Variants in SLC5A3 observed in about 807,000 individuals in gnomAD.
SLC5A3 encodes the protein solute carrier family 5 member 3.
A neutral mutation model predicts 43.2 loss-of-function variants in SLC5A3; 10 were observed. The observed-to-expected ratio is 0.23, with a 90% CI of 0.14 to 0.39. The LOEUF (loss-of-function observed/expected upper bound fraction) is 0.39, where lower values mean the gene tolerates loss of function less well. Ranked by LOEUF, SLC5A3 falls within the 10% of genes least tolerant of loss-of-function variation. The probability of loss-of-function intolerance (pLI) is 1.00; values close to 1 mark genes in which losing one functional copy is unlikely to be tolerated. For synonymous variants in SLC5A3, 349 were observed against 322.0 expected (o/e 1.08, Z -0.90); for missense variants, 608 against 893.4 (o/e 0.68, Z 4.07).
At chr21:34,088,950 A>G (rs1451228527) in intron 1 of SLC5A3, among the ~76,000 whole-genome samples, 1 of 151,946 alleles carries the variant, frequency 6.6e-6, no homozygotes, top group African/African-American at 2.4e-5. Flanking sequence ...GATAGTGTTG[A>G]GCCTCTTGAA....
intron 1 of SLC5A3, among the ~76,000 whole-genome samples, chr21:34,081,904 C>G (rs1253938288): frequency 6.6e-6 from 1 of 152,052 alleles, no homozygotes; most frequent in Non-Finnish European, 1.5e-5. Context: ...AAATACAGTT[C>G]TTGTTAAGTA....
At position 34,097,381 on chromosome 21, in the gene SLC5A3, C is replaced by T; in HGVS notation, c.*26C>T. 1 of 1,556,230 alleles carries T rather than the reference C, an allele frequency of 6.4e-7. No individual in the cohort carries two copies. Among genetic ancestry groups the T allele is most frequent in the Non-Finnish European group, 8.7e-7 (1 of 1,154,106 alleles). On this transcript the variant is annotated 3_prime_UTR_variant, in exon 2 of 2. Coordinates refer to ENST00000381151, the MANE Select transcript of SLC5A3 (RefSeq NM_006933.7). ...ACTTAAGGATATGGTGAGACACTAA[C>T]TTAAGACAATACTGACTGGTCTTTG...
In SLC5A3 at chr21:34,098,457, T is replaced by C. The variant is rs1203208906; in HGVS notation, c.*1102T>C. 3 of 999,842 alleles carry C rather than the reference T, an allele frequency of 3.0e-6. No individual in the cohort carries two copies. The highest frequency in any genetic ancestry group is 6.2e-5 in the Admixed American group (1 of 16,244). The allele number at this position is 999,842 out of a possible 1,614,324, so 61.9% of individuals were successfully genotyped here. On this transcript the variant is annotated 3_prime_UTR_variant, in exon 2 of 2. Transcript: ENST00000381151. The stretch of plus-strand genomic sequence containing the variant: ...TCTTATTGCATCCTTGATAAGTTTT[T>C]CCCTGATTTTTTTTTTCCTCAAAAG...
intron 1 of SLC5A3, among the ~76,000 whole-genome samples, chr21:34,074,290 C>T (rs774425042): frequency 1.3e-5 from 2 of 152,066 alleles, no homozygotes; most frequent in African/African-American, 2.4e-5. Flanking sequence ...TTGTTTGTGC[C>T]GTTGTCTGTA....
chr21:34,092,654 T>G (rs1449539118), intron 1 of SLC5A3, among the ~76,000 whole-genome samples: 1 of 152,258 alleles, frequency 6.6e-6, no homozygotes, highest in Non-Finnish European at 1.5e-5. Context: ...ATGTTACTGA[T>G]AGTAACAGTG....
In SLC5A3 at chr21:34,096,613, A is replaced by G. The variant is rs117638044; in HGVS notation, c.1415A>G (p.Tyr472Cys). 368 of 1,614,096 alleles carry G rather than the reference A, an allele frequency of 2.3e-4. 5 individuals are homozygous for G. In the East Asian group the frequency reaches 5.8e-3, roughly 25 times the overall value. ...CGCTGCAATGAACAAGGGGCTTTCT[A>G]TGGTGGAATGGCTGGCTTTGTTCTT... ...WKRCNEQGAF[Y>C]GGMAGFVLGA... The change falls in exon 2 of 2, where the codon TAT becomes TGT. Residue 472 changes from tyrosine to cysteine, a missense_variant. Physicochemically the swap from Tyr to Cys is radical, Grantham distance 194. Coordinates refer to ENST00000381151, the MANE Select transcript of SLC5A3 (RefSeq NM_006933.7). The surrounding 1 kb of genome is among the most constrained non-coding windows in gnomAD (Gnocchi z 5.9).
At chr21:34,075,873 C>T (rs1000964728) in intron 1 of SLC5A3, among the ~76,000 whole-genome samples, 2 of 152,262 alleles carry the variant, frequency 1.3e-5, no homozygotes, top group Non-Finnish European at 2.9e-5. Context: ...AAAGTTAACT[C>T]TAGGCTTATG....
At position 34,099,692 on chromosome 21, in the gene SLC5A3, A is replaced by G. The variant is rs1297158126; in HGVS notation, c.*2337A>G. 6 of 998,056 alleles carry G rather than the reference A, an allele frequency of 6.0e-6. No individual in the cohort carries two copies. Among genetic ancestry groups the G allele is most frequent in the East Asian group, 1.1e-4 (1 of 8,826 alleles). 61.8% of individuals were successfully genotyped at this position (998,056 alleles called of 1,614,324 possible). The stretch of plus-strand genomic sequence containing the variant: ...CCTTCTTTCTGCTCTTGTCTTAGTA[A>G]GATACATAAGGTACATCATCTTGTG... On this transcript the variant is annotated 3_prime_UTR_variant, in exon 2 of 2. Coordinates refer to ENST00000381151, the MANE Select transcript of SLC5A3 (RefSeq NM_006933.7).
chr21:34,098,305 C>T lies in SLC5A3; in HGVS notation c.*950C>T. 1.0e-6 allele frequency: 1 copy of T among 1,000,042 alleles called. No individual in the cohort carries two copies. Among genetic ancestry groups the T allele is most frequent in the Non-Finnish European group, 1.2e-6 (1 of 829,904 alleles). The allele number at this position is 1,000,042 out of a possible 1,614,324, so 61.9% of individuals were successfully genotyped here. On this transcript the variant is annotated 3_prime_UTR_variant, in exon 2 of 2. Transcript: ENST00000381151. ...TAGCCAAATGCCTTCCTAGGTGGAT[C>T]CAGTTGGAAGATATGTCCAGAAACC... is the stretch of plus-strand genomic sequence containing the variant.
chr21:34,098,529 G>C lies in SLC5A3; in HGVS notation c.*1174G>C, dbSNP rs1179047383. 2 of 1,000,012 alleles carry C rather than the reference G, an allele frequency of 2.0e-6. No homozygotes were observed. Among genetic ancestry groups the C allele is most frequent in the Non-Finnish European group, 2.4e-6 (2 of 829,998 alleles). 61.9% of individuals were successfully genotyped at this position (1,000,012 alleles called of 1,614,324 possible). On this transcript the variant is annotated 3_prime_UTR_variant, in exon 2 of 2. Coordinates refer to ENST00000381151, the MANE Select transcript of SLC5A3 (RefSeq NM_006933.7). ...TCTACATTTTTGTTGTAGTGACTTA[G>C]AGCATAAGGATGTTTCAGTGCAAAC...
rs1979462707 is a variant in SLC5A3 at position 34,106,038 on chromosome 21, T to G, written c.*8683T>G. On this transcript the variant is annotated 3_prime_UTR_variant, in exon 2 of 2. Transcript: ENST00000381151. Reference sequence around the variant, plus strand: ...AGCATATCTGCTAAAGAGCTGTCAGTTTTCATTACTGACTCTGTAAAATAC... The same window carrying G: ...AGCATATCTGCTAAAGAGCTGTCAGGTTTCATTACTGACTCTGTAAAATAC... 1 of 997,376 alleles carries G rather than the reference T, an allele frequency of 1.0e-6. No homozygotes were observed. Among genetic ancestry groups the G allele is most frequent in the South Asian group, 4.7e-5 (1 of 21,214 alleles). 61.8% of individuals were successfully genotyped at this position (997,376 alleles called of 1,614,324 possible).
chr21:34,103,061 GT>G lies in SLC5A3; in HGVS notation c.*5708del. 1.0e-6 allele frequency: 1 copy of G among 999,998 alleles called. No individual in the cohort carries two copies. The highest frequency in any genetic ancestry group is 1.2e-6 in the Non-Finnish European group (1 of 829,870). 61.9% of individuals were successfully genotyped at this position (999,998 alleles called of 1,614,324 possible). On this transcript the variant is annotated 3_prime_UTR_variant, in exon 2 of 2. Coordinates refer to ENST00000381151, the MANE Select transcript of SLC5A3 (RefSeq NM_006933.7). ...TAGCCTAGACTTCTGTAAGTGGAAT[GT>G]TCATTAGTAACTCATCTTTTTGTTG...
Position 34,097,144 on chromosome 21 carries a change from A to G in SLC5A3, c.1946A>G (p.Asp649Gly), listed in dbSNP as rs1247290438. 5 of 1,613,962 alleles carry G rather than the reference A, an allele frequency of 3.1e-6. No homozygotes were observed. The highest frequency in any genetic ancestry group is 4.2e-6 in the Non-Finnish European group (5 of 1,179,984). Residue 649 changes from aspartate to glycine, a missense_variant, in exon 2 of 2, where the codon GAT (aspartate) becomes GGT (glycine). By Grantham distance (94) the Asp-to-Gly change is moderately conservative. This residue lies in a region of SLC5A3 where 210 missense variants were observed against 224.8 expected (regional missense o/e 0.93). Transcript: ENST00000381151. ...MGEKERKKET[D>G]DGGRYWKFID... ...GAGAAAGAGAGAAAGAAAGAAACGG[A>G]TGATGGAGGTCGGTACTGGAAGTTC...
intron 1 of SLC5A3, among the ~76,000 whole-genome samples, chr21:34,092,373 G>T (rs56080238): frequency 1 from 152,314 of 152,314 alleles, 76,157 homozygotes; most frequent in Non-Finnish European, 1. Context: ...ATCTAGACAC[G>T]ACCCACAGAG....
chr21:34,101,417 G>T lies in SLC5A3; in HGVS notation c.*4062G>T, dbSNP rs1430411147. On this transcript the variant is annotated 3_prime_UTR_variant, in exon 2 of 2. Coordinates refer to ENST00000381151, the MANE Select transcript of SLC5A3 (RefSeq NM_006933.7). ...AGTAGAAAAATGCTTTGAGGCTTCAGTATTTGTAAGATTTTGCATTAGCCA... is the reference window on the plus strand; with the variant it reads ...AGTAGAAAAATGCTTTGAGGCTTCATTATTTGTAAGATTTTGCATTAGCCA... 1.0e-6 allele frequency: 1 copy of T among 1,000,050 alleles called. No individual in the cohort carries two copies. Among genetic ancestry groups the T allele is most frequent in the Non-Finnish European group, 1.2e-6 (1 of 829,948 alleles). The allele number at this position is 1,000,050 out of a possible 1,614,324, so 61.9% of individuals were successfully genotyped here. A position where few individuals can be genotyped will look rare whatever the true frequency, so the allele number is the denominator to read the frequency against.
Position 34,096,860 on chromosome 21 carries a change from G to A in SLC5A3, c.1662G>A (p.Val554=). 2 of 1,614,112 alleles carry A rather than the reference G, an allele frequency of 1.2e-6. No individual in the cohort carries two copies. Among genetic ancestry groups the A allele is most frequent in the Non-Finnish European group, 1.7e-6 (2 of 1,180,000 alleles). ...TTTGGTCTAAGAAGAACCTGGTGGT[G>A]AAGGAGAACTGCTCCCCAAAAGAGG... ...TTFWSKKNLV[V]KENCSPKEEP... The change falls in exon 2 of 2, where the codon GTG becomes GTA. Residue 554 remains valine (V), a synonymous_variant. Coordinates refer to ENST00000381151, the MANE Select transcript of SLC5A3 (RefSeq NM_006933.7). The surrounding 1 kb of genome is among the most constrained non-coding windows in gnomAD (Gnocchi z 5.9).
At chr21:34,080,418 T>C (rs1162059301) in intron 1 of SLC5A3, among the ~76,000 whole-genome samples, 1 of 152,216 alleles carries the variant, frequency 6.6e-6, no homozygotes, top group East Asian at 1.9e-4. Context: ...CAGATTCTTA[T>C]AAATACCATT....
chr21:34,101,660 T>C lies in SLC5A3; in HGVS notation c.*4305T>C. The C allele has an allele frequency of 6.0e-6, 6 of 1,000,222 alleles. No individual in the cohort carries two copies. Among genetic ancestry groups the C allele is most frequent in the Non-Finnish European group, 4.8e-6 (4 of 829,952 alleles). 62.0% of individuals were successfully genotyped at this position (1,000,222 alleles called of 1,614,324 possible). On this transcript the variant is annotated 3_prime_UTR_variant, in exon 2 of 2. Coordinates refer to ENST00000381151, the MANE Select transcript of SLC5A3 (RefSeq NM_006933.7). ...ATTTTTTTGTCAGCTTAGTTCACTTTAAGGCATATTGGCATGGTGTGTGAA... is the reference window on the plus strand; with the variant it reads ...ATTTTTTTGTCAGCTTAGTTCACTTCAAGGCATATTGGCATGGTGTGTGAA...
Position 34,103,763 on chromosome 21 carries a change from G to A in SLC5A3, c.*6408G>A, listed in dbSNP as rs1438823737. ...TGGTCCTAATGGTAAGGGACCCAAA[G>A]GAATAATCTCAATAAGTTTGTACCA... On this transcript the variant is annotated 3_prime_UTR_variant, in exon 2 of 2. Transcript: ENST00000381151. 3.0e-6 allele frequency: 3 copies of A among 999,776 alleles called. No homozygotes were observed. The highest frequency in any genetic ancestry group is 3.6e-6 in the Non-Finnish European group (3 of 829,806). The allele number at this position is 999,776 out of a possible 1,614,324, so 61.9% of individuals were successfully genotyped here.
Sources: allele counts gnomAD v4.1 joint callset (sites outside exome capture counted in the v4.1 genomes callset), GRCh38; gene constraint gnomAD v4.1.1; regional missense constraint gnomAD v4.1.1; non-coding constraint Gnocchi (gnomAD v3.1); transcripts MANE v1.5; gene names NCBI Gene and HGNC (gene_info 2026-07-23, HGNC 2026-07-21).